Variants in KCND3 observed in about 807,000 individuals in gnomAD.
KCND3 encodes A-type voltage-gated potassium channel KCND3.
In KCND3, 9 loss-of-function variants were observed where a neutral mutation model predicts 51.1. The ratio of observed to expected loss-of-function variants is 0.18; its 90% CI spans 0.11 to 0.31. KCND3 has a LOEUF of 0.31. Ranked by LOEUF, KCND3 falls within the 10% of genes least tolerant of loss-of-function variation. The pLI is 1.00. For missense variants in KCND3, 526 were observed against 903.8 expected, an observed-to-expected ratio of 0.58 and a Z score of 5.36; for synonymous variants, 349 against 368.0, an observed-to-expected ratio of 0.95 and a Z score of 0.59.
At chr1:111,921,567 C>T (rs780509784) in intron 2 of KCND3, among the ~76,000 whole-genome samples, 8 of 152,228 alleles carry the variant, frequency 5.3e-5, no homozygotes, top group Non-Finnish European at 1.0e-4. Flanking sequence ...GGCTGCCCAG[C>T]AGCAGCGCCA....
intron 2 of KCND3, among the ~76,000 whole-genome samples, chr1:111,821,353 C>T (rs546401947): frequency 2.0e-5 from 3 of 152,300 alleles, no homozygotes; most frequent in East Asian, 1.9e-4. Flanking sequence ...AGCTAGACAG[C>T]GTGGCACCTG....
At chr1:111,787,645 C>T (rs1213495234) in intron 2 of KCND3, among the ~76,000 whole-genome samples, 1 of 152,152 alleles carries the variant, frequency 6.6e-6, no homozygotes, top group African/African-American at 2.4e-5. Context: ...CAGCGTCTGA[C>T]GGGCCATGGG....
At chr1:111,795,721 C>T (rs780803409) in intron 2 of KCND3, among the ~76,000 whole-genome samples, 1 of 152,164 alleles carries the variant, frequency 6.6e-6, no homozygotes, top group Non-Finnish European at 1.5e-5. Flanking sequence ...ATTACTGGGT[C>T]GAATGGTATT....
chr1:111,807,178 A>T (rs1367149074), intron 2 of KCND3, among the ~76,000 whole-genome samples: 1 of 152,248 alleles, frequency 6.6e-6, no homozygotes, highest in Non-Finnish European at 1.5e-5. Context: ...AACCAGAAGA[A>T]AATGATGATA....
At chr1:111,956,713 C>T (rs1224549088) in intron 2 of KCND3, among the ~76,000 whole-genome samples, 2 of 152,200 alleles carry the variant, frequency 1.3e-5, no homozygotes, top group African/African-American at 4.8e-5. Context: ...TACTTGGCTT[C>T]CCCAGAGAAA....
In KCND3 at chr1:111,812,524, A is replaced by C. The variant is rs928382317; in HGVS notation, c.1107-25418T>G. On this transcript the variant is annotated intron_variant, in intron 2 of 7. Coordinates refer to ENST00000302127, the MANE Select transcript of KCND3 (RefSeq NM_001378969.1). ...AAAAAATAAGGGCAGTGCGCATGTC[A>C]TGAGTGCTTACTGCATGCCAAGCAC... Among the ~76,000 whole-genome samples, 3 of 152,232 alleles carry C rather than the reference A, an allele frequency of 2.0e-5. No individual in the cohort carries two copies. In the South Asian group the frequency reaches 6.2e-4, roughly 32 times the overall value.
chr1:111,827,611 A>G (rs1666636597), intron 2 of KCND3, among the ~76,000 whole-genome samples: 1 of 152,190 alleles, frequency 6.6e-6, no homozygotes, highest in Non-Finnish European at 1.5e-5. Flanking sequence ...CTTTACATGT[A>G]AAGATCTTGT....
intron 2 of KCND3, among the ~76,000 whole-genome samples, chr1:111,892,433 T>A (rs1368641499): frequency 1.3e-5 from 2 of 152,232 alleles, no homozygotes; most frequent in East Asian, 3.9e-4. Flanking sequence ...GGGAAGGGGC[T>A]CTGGTGCCCA....
At chr1:111,845,036 CGT>C in intron 2 of KCND3, among the ~76,000 whole-genome samples, 1 of 152,286 alleles carries the variant, frequency 6.6e-6, no homozygotes, top group South Asian at 2.1e-4. Context: ...GTGCAGTCCA[CGT>C]GCATTCTCTC....
chr1:111,965,489 C>CACACACACACACACAG (rs1553184421), intron 2 of KCND3, among the ~76,000 whole-genome samples: 1 of 150,056 alleles, frequency 6.7e-6, no homozygotes, highest in Non-Finnish European at 1.5e-5. Flanking sequence ...CACACACACA[C>CACACACACACACACAG]GCCAGGAGCA....
At chr1:111,960,884 T>C (rs1004909460) in intron 2 of KCND3, among the ~76,000 whole-genome samples, 4 of 152,152 alleles carry the variant, frequency 2.6e-5, no homozygotes, top group African/African-American at 9.7e-5. Context: ...CCTGGGGCCA[T>C]GGCAGTTGGG....
At chr1:111,786,790 G>C (rs113354737) in intron 3 of KCND3, among the ~76,000 whole-genome samples, 154 bp downstream of exon 3, 17 of 152,102 alleles carry the variant, frequency 1.1e-4, no homozygotes, top group Non-Finnish European at 2.4e-4. Context: ...GAATTCAGGA[G>C]ACTGGTGAGC....
intron 2 of KCND3, among the ~76,000 whole-genome samples, chr1:111,882,765 T>C (rs947859685): frequency 1.3e-5 from 2 of 152,086 alleles, no homozygotes; most frequent in Non-Finnish European, 2.9e-5. Context: ...GAGCCGCAGC[T>C]GTCATAGAGA....
chr1:111,862,750 G>T (rs903669209), intron 2 of KCND3, among the ~76,000 whole-genome samples: 23 of 152,174 alleles, frequency 1.5e-4, no homozygotes, highest in African/African-American at 5.1e-4. Context: ...ACTCTCACAG[G>T]GTTGTTTTGA....
rs771207815 is a variant in KCND3, at chr1:111,981,836, G to A, written c.891C>T (p.Ile297=). ...CCTGGGAGTGGCGGGAAAACTTGAA[G>A]ATCCTGAAGACGCGGAAGACCCGGA... ...VTLRVFRVFR[I]FKFSRHSQGL... is the part of the protein sequence containing the mutation. The change falls in exon 2 of 8, where the codon ATC becomes ATT. Residue 297 remains isoleucine (I), a synonymous_variant. Coordinates refer to ENST00000302127, the MANE Select transcript of KCND3 (RefSeq NM_001378969.1). This position sits in a 1 kb window ranked among gnomAD's most constrained non-coding sequence, Gnocchi z 6.2. 1.2e-6 allele frequency: 2 copies of A among 1,614,056 alleles called. No homozygotes were observed. The highest frequency in any genetic ancestry group is 1.7e-6 in the Non-Finnish European group (2 of 1,180,004).
chr1:111,964,194 G>A (rs1283544016), intron 2 of KCND3, among the ~76,000 whole-genome samples: 1 of 152,158 alleles, frequency 6.6e-6, no homozygotes, highest in Non-Finnish European at 1.5e-5. Context: ...CACAATACTG[G>A]GCTCTGGGAC....
At chr1:111,879,559 A>G (rs1430341625) in intron 2 of KCND3, among the ~76,000 whole-genome samples, 1 of 152,218 alleles carries the variant, frequency 6.6e-6, no homozygotes, top group African/African-American at 2.4e-5. Context: ...GGCTGAAAAG[A>G]GCAGAGAGCA....
chr1:111,926,318 C>T (rs1225484433), intron 2 of KCND3, among the ~76,000 whole-genome samples: 2 of 152,132 alleles, frequency 1.3e-5, no homozygotes, highest in African/African-American at 2.4e-5. Flanking sequence ...ATTCCTTGAG[C>T]GATTATGTAC....
At position 111,774,807 on chromosome 1, in the gene KCND3, GA is replaced by G. The variant is rs1381481858; in HGVS notation, c.*1269del. 6.6e-6 allele frequency: 1 copy of G among 152,216 alleles called. No homozygotes were observed. The highest frequency in any genetic ancestry group is 6.5e-5 in the Admixed American group (1 of 15,278). 9.4% of individuals were successfully genotyped at this position (152,216 alleles called of 1,614,324 possible). ...TCCCCGTACCACTGCCCTCTCTGGAGAAAACTACTCCCGGGGCCTCTTGGAA... is the reference window on the plus strand; with the variant it reads ...TCCCCGTACCACTGCCCTCTCTGGAGAAACTACTCCCGGGGCCTCTTGGAA... On this transcript the variant is annotated 3_prime_UTR_variant, in exon 8 of 8. Transcript: ENST00000302127.
Sources: allele counts gnomAD v4.1 joint callset (sites outside exome capture counted in the v4.1 genomes callset), GRCh38; gene constraint gnomAD v4.1.1; non-coding constraint Gnocchi (gnomAD v3.1); transcripts MANE v1.5; gene names NCBI Gene and HGNC (gene_info 2026-07-23, HGNC 2026-07-21).